PRKD1: variants seen among roughly 807,000 people sequenced by gnomAD.
PRKD1 encodes the protein protein kinase D1.
In PRKD1, 63 loss-of-function variants were observed where a neutral mutation model predicts 95.9. The ratio of observed to expected loss-of-function variants is 0.66; its 90% CI spans 0.54 to 0.81. The LOEUF (loss-of-function observed/expected upper bound fraction) is 0.81. Among genes scored for constraint, PRKD1 ranks in the 30% least tolerant of loss-of-function variants. The pLI is 0.00. For missense variants in PRKD1, 1,048 were observed against 1,165.3 expected (o/e 0.90, Z 1.47); for synonymous variants, 425 against 423.1 (o/e 1.00, Z -0.05).
chr14:29,713,650 C>T (rs147419216), intron 2 of PRKD1, among the ~76,000 whole-genome samples: 2 of 152,220 alleles, frequency 1.3e-5, no homozygotes, highest in East Asian at 3.9e-4. Context: ...GGAAACAAAG[C>T]CATTCATAAA....
At chr14:29,768,428 T>C (rs1156857955) in intron 1 of PRKD1, among the ~76,000 whole-genome samples, 1 of 152,206 alleles carries the variant, frequency 6.6e-6, no homozygotes, top group African/African-American at 2.4e-5. Flanking sequence ...TCATAATATG[T>C]TTTGAAATTT....
At chr14:29,609,172 A>G (rs1229767149) in intron 13 of PRKD1, among the ~76,000 whole-genome samples, 4 of 152,184 alleles carry the variant, frequency 2.6e-5, no homozygotes, top group Non-Finnish European at 4.4e-5. Flanking sequence ...GAGTATAATT[A>G]TACTTTTGTT....
At chr14:29,651,597 A>G (rs1011651225) in intron 4 of PRKD1, among the ~76,000 whole-genome samples, 3 of 151,380 alleles carry the variant, frequency 2.0e-5, no homozygotes, top group Non-Finnish European at 4.4e-5. Flanking sequence ...ACCAATTCCA[A>G]TCTTCTACTC....
At chr14:29,658,964 A>T (rs1882043121) in intron 4 of PRKD1, among the ~76,000 whole-genome samples, 1 of 152,172 alleles carries the variant, frequency 6.6e-6, no homozygotes. Context: ...TGGCTTTATA[A>T]CTTGCTATTT....
At chr14:29,693,386 T>G (rs906364197) in intron 2 of PRKD1, among the ~76,000 whole-genome samples, 1 of 151,972 alleles carries the variant, frequency 6.6e-6, no homozygotes, top group Non-Finnish European at 1.5e-5. Context: ...TTTATTTCCC[T>G]AGAGGCGTAA....
intron 1 of PRKD1, among the ~76,000 whole-genome samples, chr14:29,862,780 G>A (rs985082617): frequency 6.6e-6 from 1 of 152,006 alleles, no homozygotes; most frequent in Non-Finnish European, 1.5e-5. Context: ...TTTGTCAGAT[G>A]GGTCATTTGC....
At chr14:29,629,011 C>A in intron 11 of PRKD1, 30 bp downstream of exon 11, 1 of 1,433,390 alleles carries the variant, frequency 7.0e-7, no homozygotes, top group Non-Finnish European at 9.4e-7. Flanking sequence ...ATCACATTAG[C>A]AAGTTTTATA....
At chr14:29,676,511 A>C (rs192503838) in intron 2 of PRKD1, among the ~76,000 whole-genome samples, 4 of 152,192 alleles carry the variant, frequency 2.6e-5, no homozygotes, top group Admixed American at 1.3e-4. Context: ...TGTGCCACCA[A>C]GCCCAGCTAA....
In PRKD1 at chr14:29,597,590, CGCTTAG is replaced by C. The variant is rs750999161; in HGVS notation, c.2329_2334del (p.Leu777_Ser778del). Reference sequence around the variant, plus strand: ...TCATCTTCATTAAATGGGAATGTGCCGCTTAGGCTTACATAGATGATGACCCCAACA... The same window carrying C: ...TCATCTTCATTAAATGGGAATGTGCCGCTTACATAGATGATGACCCCAACA... On this transcript the variant is annotated inframe_deletion, in exon 16 of 18. Coordinates refer to ENST00000331968, the MANE Select transcript of PRKD1 (RefSeq NM_002742.3). 4 of 1,613,900 alleles carry C rather than the reference CGCTTAG, an allele frequency of 2.5e-6. No homozygotes were observed. The Admixed American group carries it at 6.7e-5, about 27-fold the overall frequency.
At chr14:29,736,135 G>T (rs946179598) in intron 1 of PRKD1, among the ~76,000 whole-genome samples, 12 of 152,174 alleles carry the variant, frequency 7.9e-5, no homozygotes, top group Non-Finnish European at 7.4e-5. Context: ...TACGAAGTAG[G>T]TCACACATGT....
At chr14:29,725,506 G>A (rs751968079) in intron 2 of PRKD1, 30 bp downstream of exon 2, 56 of 1,589,648 alleles carry the variant, frequency 3.5e-5, no homozygotes, top group East Asian at 1.8e-4. Context: ...TCTAATCTAC[G>A]GATAAAGAAA....
intron 1 of PRKD1, among the ~76,000 whole-genome samples, chr14:29,779,193 C>CA (rs1888918578): frequency 6.6e-6 from 1 of 152,248 alleles, no homozygotes; most frequent in South Asian, 2.1e-4. Flanking sequence ...ACTGAATGGG[C>CA]AAAAACGGGA....
intron 2 of PRKD1, among the ~76,000 whole-genome samples, chr14:29,706,778 CAA>C (rs1954290795): frequency 6.6e-6 from 1 of 152,000 alleles, no homozygotes; most frequent in African/African-American, 2.4e-5. Context: ...TTAAAACCAG[CAA>C]AAGTGTAATT....
At position 29,577,000 on chromosome 14, in the gene PRKD1, A is replaced by G; in HGVS notation, c.*238T>C. ...GCATTAAATATAACATGAATCATTC[A>G]CAATAACAAGTTTCGTGTTTCAGGG... is the stretch of plus-strand genomic sequence containing the variant. On this transcript the variant is annotated 3_prime_UTR_variant, in exon 18 of 18. Transcript: ENST00000331968. The G allele has an allele frequency of 1.8e-6, 1 of 552,992 alleles. No homozygotes were observed. Among genetic ancestry groups the G allele is most frequent in the Non-Finnish European group, 3.2e-6 (1 of 307,946 alleles). 34.3% of individuals were successfully genotyped at this position (552,992 alleles called of 1,614,324 possible). A position where few individuals can be genotyped will look rare whatever the true frequency, so the allele number is the denominator to read the frequency against.
intron 1 of PRKD1, among the ~76,000 whole-genome samples, chr14:29,802,795 C>T (rs1470508918): frequency 6.6e-6 from 1 of 152,202 alleles, no homozygotes; most frequent in African/African-American, 2.4e-5. Flanking sequence ...AATTGAGCAA[C>T]TTTCCAGTTT....
chr14:29,583,291 A>T (rs2138959450), intron 16 of PRKD1, among the ~76,000 whole-genome samples: 1 of 152,300 alleles, frequency 6.6e-6, no homozygotes, highest in African/African-American at 2.4e-5. Context: ...TGCCGTTTAA[A>T]TAGCAGAGAT....
At chr14:29,793,290 A>G (rs1889636307) in intron 1 of PRKD1, among the ~76,000 whole-genome samples, 1 of 152,052 alleles carries the variant, frequency 6.6e-6, no homozygotes, top group Admixed American at 6.6e-5. Flanking sequence ...ACAAAAAAAA[A>G]ATGTCCACAG....
intron 1 of PRKD1, among the ~76,000 whole-genome samples, chr14:29,780,548 T>C (rs968787210): frequency 1.3e-5 from 2 of 152,216 alleles, no homozygotes; most frequent in Non-Finnish European, 2.9e-5. Context: ...ATGCTCATCA[T>C]CACTGGCCAT....
intron 1 of PRKD1, among the ~76,000 whole-genome samples, chr14:29,806,960 C>T (rs1890261964): frequency 1.3e-5 from 2 of 151,956 alleles, no homozygotes; most frequent in Non-Finnish European, 2.9e-5. Context: ...TTTCTCAATG[C>T]ATATAAAAGC....
Sources: allele counts gnomAD v4.1 joint callset (sites outside exome capture counted in the v4.1 genomes callset), GRCh38; gene constraint gnomAD v4.1.1; transcripts MANE v1.5; gene names NCBI Gene and HGNC (gene_info 2026-07-23, HGNC 2026-07-21).